EYS: variants seen among roughly 807,000 people sequenced by gnomAD.
EYS encodes protein eyes shut homolog.
EYS carries 250 observed loss-of-function variants against 282.1 expected under a neutral mutation model. That is an observed-to-expected ratio of 0.89 (90% CI 0.80 to 0.98). The LOEUF (loss-of-function observed/expected upper bound fraction) is 0.98, where lower values mean the gene tolerates loss of function less well. EYS is among the 50% of genes least tolerant of loss of function. The pLI is 0.00. For synonymous variants in EYS, 1,355 were observed against 1,282.9 expected, an observed-to-expected ratio of 1.06 and a Z score of -1.20; for missense variants, 4,016 against 3,709.0, an observed-to-expected ratio of 1.08 and a Z score of -2.15.
chr6:64,775,462 C>T (rs1773649930), intron 22 of EYS, among the ~76,000 whole-genome samples: 1 of 151,932 alleles, frequency 6.6e-6, no homozygotes, highest in African/African-American at 2.4e-5. Context: ...ATTTTAGGAG[C>T]TTCATTGTTC....
At position 64,073,777 on chromosome 6, in the gene EYS, C is replaced by CATAT. The variant is rs145419335; in HGVS notation, c.6572-7290_6572-7287dup. ...CTTTATATATATGTGTGTGTGTGTGCATATATATATATATGTTTGCAAATA... is the reference window on the plus strand; with the variant it reads ...CTTTATATATATGTGTGTGTGTGTGCATATATATATATATATATGTTTGCAAATA... On this transcript the variant is annotated intron_variant, in intron 32 of 42. Coordinates refer to ENST00000503581, the MANE Select transcript of EYS (RefSeq NM_001142800.2). Among the ~76,000 whole-genome samples the CATAT allele has an allele frequency of 1.4e-4, 21 of 149,250 alleles. No homozygotes were observed. The South Asian group carries it at 4.2e-3, about 30-fold the overall frequency.
intron 33 of EYS, among the ~76,000 whole-genome samples, chr6:64,032,610 G>A (rs1046025149): frequency 1.3e-5 from 2 of 152,218 alleles, no homozygotes; most frequent in African/African-American, 2.4e-5. Context: ...TCTGAAGTAA[G>A]TAGTGGGTCT....
At chr6:64,451,425 GA>G (rs1775335396) in intron 26 of EYS, among the ~76,000 whole-genome samples, 1 of 152,140 alleles carries the variant, frequency 6.6e-6, no homozygotes, top group African/African-American at 2.4e-5. Flanking sequence ...AATTCTACCA[GA>G]GGTACAAGGA....
In EYS at chr6:65,001,424, G is replaced by A. The variant is rs139324316; in HGVS notation, c.2138-3721C>T. On this transcript the variant is annotated intron_variant, in intron 13 of 42. Transcript: ENST00000503581. ...CCCAAACTCCTCTTGGTATTCAGAT[G>A]TTCCTCCTCTTCTCTCTTTCTCTGC... is the stretch of plus-strand genomic sequence containing the variant. 6.2e-3 allele frequency among the ~76,000 whole-genome samples: 909 copies of A among 147,440 alleles called. 114 individuals are homozygous for A. The highest frequency in any genetic ancestry group is 8.9e-3 in the Non-Finnish European group (588 of 65,778).
At chr6:64,621,816 A>C (rs900310081) in intron 23 of EYS, among the ~76,000 whole-genome samples, 1 of 152,212 alleles carries the variant, frequency 6.6e-6, no homozygotes, top group Admixed American at 6.5e-5. Context: ...ATCTGGGCAC[A>C]GTGACTGTCC....
chr6:64,488,064 T>C (rs1214495062), intron 26 of EYS, among the ~76,000 whole-genome samples: 1 of 151,090 alleles, frequency 6.6e-6, no homozygotes, highest in Non-Finnish European at 1.5e-5. Flanking sequence ...TTTGTATAGT[T>C]CATACTTGAT....
intron 2 of EYS, among the ~76,000 whole-genome samples, chr6:65,540,784 G>A (rs543417097): frequency 2.2e-4 from 34 of 152,074 alleles, no homozygotes; most frequent in African/African-American, 7.5e-4. Context: ...TTAGTCGAGT[G>A]TAGTGGTGGG....
At chr6:64,993,493 G>C (rs1771144413) in intron 14 of EYS, among the ~76,000 whole-genome samples, 1 of 146,400 alleles carries the variant, frequency 6.8e-6, no homozygotes, top group Non-Finnish European at 1.5e-5. Flanking sequence ...AATCAAACCT[G>C]CATGTTCTCA....
intron 2 of EYS, among the ~76,000 whole-genome samples, chr6:65,530,337 C>T (rs1448950675): frequency 6.6e-6 from 1 of 152,086 alleles, no homozygotes; most frequent in Non-Finnish European, 1.5e-5. Context: ...CAAACAATGG[C>T]CTGTGGGACT....
At chr6:64,874,491 G>A (rs1421351072) in intron 19 of EYS, among the ~76,000 whole-genome samples, 2 of 151,976 alleles carry the variant, frequency 1.3e-5, no homozygotes, top group Admixed American at 1.3e-4. Flanking sequence ...ATTCCTTCCT[G>A]TTTTGATTTT....
chr6:64,037,503 A>G (rs1246279584), intron 33 of EYS, among the ~76,000 whole-genome samples: 1 of 152,236 alleles, frequency 6.6e-6, no homozygotes, highest in Non-Finnish European at 1.5e-5. Context: ...ATAGATTGCT[A>G]TAGTCACTTA....
intron 12 of EYS, among the ~76,000 whole-genome samples, chr6:65,141,506 C>T (rs561783972): frequency 2.7e-5 from 4 of 147,580 alleles, no homozygotes; most frequent in Non-Finnish European, 4.5e-5. Context: ...AAAAAAAAAA[C>T]AAAATTTCTA....
chr6:63,977,638 T>G (rs1275638397), intron 35 of EYS, among the ~76,000 whole-genome samples: 1 of 151,856 alleles, frequency 6.6e-6, no homozygotes, highest in Non-Finnish European at 1.5e-5. Flanking sequence ...CAGAGAATAT[T>G]TTCCCCCTCA....
In EYS at chr6:65,143,378, A is replaced by G. The variant is rs569037704; in HGVS notation, c.2024-85651T>C. Among the ~76,000 whole-genome samples the G allele has an allele frequency of 2.0e-4, 30 of 152,100 alleles. No homozygotes were observed. The South Asian group carries it at 5.2e-3, about 26-fold the overall frequency. On this transcript the variant is annotated intron_variant, in intron 12 of 42. Transcript: ENST00000503581. Reference sequence around the variant, plus strand: ...TCAAAACAGTGGTCATCAATGGGATATAAAGGGCATTAAAATGTAAAGAGG... The same window carrying G: ...TCAAAACAGTGGTCATCAATGGGATGTAAAGGGCATTAAAATGTAAAGAGG...
chr6:64,506,711 G>C (rs1321983052), intron 26 of EYS, among the ~76,000 whole-genome samples: 1 of 151,978 alleles, frequency 6.6e-6, no homozygotes, highest in African/African-American at 2.4e-5. Flanking sequence ...AGGAGATGGA[G>C]ACCATCCTGG....
intron 1 of EYS, among the ~76,000 whole-genome samples, chr6:65,673,047 C>T (rs1307323113): frequency 6.6e-6 from 1 of 152,084 alleles, no homozygotes; most frequent in African/African-American, 2.4e-5. Flanking sequence ...AGGAACCAGC[C>T]ACTTTCACTT....
intron 28 of EYS, among the ~76,000 whole-genome samples, chr6:64,390,139 G>A (rs1245951229): frequency 9.9e-5 from 15 of 152,200 alleles, no homozygotes; most frequent in African/African-American, 2.6e-4. Flanking sequence ...ACGGAGTCTC[G>A]CTGATTGCTA....
In EYS at chr6:65,663,648, T is replaced by C. The variant is rs1406491027; in HGVS notation, c.-447-23756A>G. On this transcript the variant is annotated intron_variant, in intron 1 of 42. Coordinates refer to ENST00000503581, the MANE Select transcript of EYS (RefSeq NM_001142800.2). ...GGTACAAAAGCAAGTTAAACTTATGTAGATACATCATTAGTAGATAAAATC... is the reference window on the plus strand; with the variant it reads ...GGTACAAAAGCAAGTTAAACTTATGCAGATACATCATTAGTAGATAAAATC... Among the ~76,000 whole-genome samples the C allele has an allele frequency of 2.6e-5, 4 of 152,142 alleles. No homozygotes were observed. In the South Asian group the frequency reaches 8.3e-4, roughly 32 times the overall value.
At chr6:65,214,777 G>T (rs1328455357) in intron 12 of EYS, among the ~76,000 whole-genome samples, 2 of 152,184 alleles carry the variant, frequency 1.3e-5, no homozygotes, top group Non-Finnish European at 2.9e-5. Context: ...GGCCAATGCA[G>T]CTGATGACTA....
Sources: gnomAD v4.1 joint callset for allele counts (sites outside exome capture counted in the v4.1 genomes callset) on GRCh38, gnomAD v4.1.1 for gene constraint, MANE v1.5 for transcripts, NCBI Gene and HGNC (gene_info 2026-07-23, HGNC 2026-07-21) for gene names.